The following NAA60 variants were observed in gnomAD, a reference collection of about 807,000 sequenced individuals.
The protein encoded by NAA60 is N-alpha-acetyltransferase 60, NatF catalytic subunit, also known as N-alpha-acetyltransferase 60.
NAA60 carries 8 observed loss-of-function variants against 26.1 expected under a neutral mutation model. The ratio of observed to expected loss-of-function variants is 0.31; its 90% CI spans 0.18 to 0.55. The LOEUF (loss-of-function observed/expected upper bound fraction) is 0.55. Among genes scored for constraint, NAA60 ranks in the 20% least tolerant of loss-of-function variants. The probability of loss-of-function intolerance (pLI) is 0.93; values close to 1 mark genes in which losing one functional copy is unlikely to be tolerated. For synonymous variants in NAA60, 131 were observed against 122.5 expected (o/e 1.07, Z -0.46); for missense variants, 290 against 311.3 (o/e 0.93, Z 0.51).
At chr16:3,451,171 CA>C (rs1310083844) in intron 2 of NAA60, among the ~76,000 whole-genome samples, 1 of 152,264 alleles carries the variant, frequency 6.6e-6, no homozygotes, top group African/African-American at 2.4e-5. Context: ...CCTTGGTCAC[CA>C]TTTGTACCCA....
rs907178289 is a variant in NAA60, at chr16:3,486,440, G to A, written c.*1180G>A. On this transcript the variant is annotated 3_prime_UTR_variant, in exon 8 of 8. Transcript: ENST00000407558. ...GAGGGAGGAACAACCCTGGGCAGAC[G>A]GGGCCTCAGGGACCTGTGTCCTTCC... 3 of 152,016 alleles carry A rather than the reference G, an allele frequency of 2.0e-5. No homozygotes were observed. Among genetic ancestry groups the A allele is most frequent in the African/African-American group, 7.3e-5 (3 of 41,310 alleles). 9.4% of individuals were successfully genotyped at this position (152,016 alleles called of 1,614,324 possible). A position where few individuals can be genotyped will look rare whatever the true frequency, so the allele number is the denominator to read the frequency against.
intron 2 of NAA60, among the ~76,000 whole-genome samples, chr16:3,471,478 TG>T (rs1370238942): frequency 6.6e-6 from 1 of 151,920 alleles, no homozygotes; most frequent in African/African-American, 2.4e-5. Context: ...ACTCCAGCCT[TG>T]GGGGGCAGAG....
chr16:3,458,139 T>C, intron 2 of NAA60: 2 of 985,074 alleles, frequency 2.0e-6, no homozygotes, highest in Non-Finnish European at 2.4e-6. Context: ...CAGGATGCGC[T>C]GAGCCCTACA....
Position 3,474,945 on chromosome 16 carries a change from T to G in NAA60, c.-6-1277T>G, listed in dbSNP as rs971433965. 3.9e-4 allele frequency among the ~76,000 whole-genome samples: 59 copies of G among 151,968 alleles called. 1 individual carries two copies. Among genetic ancestry groups the G allele is most frequent in the Non-Finnish European group, 5.3e-4 (36 of 68,022 alleles). Reference sequence around the variant, plus strand: ...ATCTTTTCCCATTTATTTATGGGTTTGTTTATTTATTTATTTTTAGAGACA... The same window carrying G: ...ATCTTTTCCCATTTATTTATGGGTTGGTTTATTTATTTATTTTTAGAGACA... On this transcript the variant is annotated intron_variant, in intron 2 of 7. Coordinates refer to ENST00000407558, the MANE Select transcript of NAA60 (RefSeq NM_001083601.3).
chr16:3,482,156 T>G (rs369372833), intron 4 of NAA60, among the ~76,000 whole-genome samples: 1 of 152,248 alleles, frequency 6.6e-6, no homozygotes, highest in Non-Finnish European at 1.5e-5. Context: ...TGCATTCCCA[T>G]GAGGCCCGCG....
At chr16:3,456,442 C>CT (rs577299558) in intron 2 of NAA60, among the ~76,000 whole-genome samples, 106 of 147,658 alleles carry the variant, frequency 7.2e-4, no homozygotes, top group African/African-American at 1.6e-3. Context: ...GAGCAATTTC[C>CT]TTTTTTTTTT....
chr16:3,480,666 C>T (rs2036772795), intron 4 of NAA60, among the ~76,000 whole-genome samples: 1 of 117,494 alleles, frequency 8.5e-6, no homozygotes, highest in Non-Finnish European at 1.9e-5. Context: ...ACCTATAACC[C>T]CGGCATTTTG....
chr16:3,485,494 G>A lies in NAA60; in HGVS notation c.*234G>A. 2.2e-6 allele frequency: 1 copy of A among 456,732 alleles called. No individual in the cohort carries two copies. Among genetic ancestry groups the A allele is most frequent in the Non-Finnish European group, 4.4e-6 (1 of 227,102 alleles). The allele number at this position is 456,732 out of a possible 1,614,324, so 28.3% of individuals were successfully genotyped here. A position where few individuals can be genotyped will look rare whatever the true frequency, so the allele number is the denominator to read the frequency against. Reference sequence around the variant, plus strand: ...TCTTCAGCTCCCCTCCCTGCTTCTGGAAACCTCTGCCTGCTGCCCTGGCCC... The same window carrying A: ...TCTTCAGCTCCCCTCCCTGCTTCTGAAAACCTCTGCCTGCTGCCCTGGCCC... On this transcript the variant is annotated 3_prime_UTR_variant, in exon 8 of 8. Transcript: ENST00000407558.
At chr16:3,474,467 C>G (rs2036347440) in intron 2 of NAA60, among the ~76,000 whole-genome samples, 1 of 152,242 alleles carries the variant, frequency 6.6e-6, no homozygotes, top group African/African-American at 2.4e-5. Flanking sequence ...TTAACTAAGG[C>G]TGAGCCAGCA....
intron 4 of NAA60, 85 bp from the exon 5 acceptor site, chr16:3,482,417 G>T (rs1048701984): frequency 9.0e-7 from 1 of 1,116,344 alleles, no homozygotes; most frequent in Non-Finnish European, 1.3e-6. Context: ...GTGGGAAGTC[G>T]GTGCGGAGCC....
chr16:3,454,631 AAAAG>A (rs1266809750), intron 2 of NAA60, among the ~76,000 whole-genome samples: 2 of 152,222 alleles, frequency 1.3e-5, no homozygotes, highest in Admixed American at 6.5e-5. Context: ...ACACAGCAAA[AAAAG>A]AGAGAGAGAA....
chr16:3,456,195 T>C (rs911607433), intron 2 of NAA60, among the ~76,000 whole-genome samples: 12 of 152,232 alleles, frequency 7.9e-5, no homozygotes, highest in African/African-American at 2.9e-4. Context: ...ACTGTGCTTG[T>C]TACTCACATG....
At chr16:3,447,393 C>G (rs751719604) in intron 1 of NAA60, 28 of 851,974 alleles carry the variant, frequency 3.3e-5, no homozygotes, top group Non-Finnish European at 3.9e-5. Context: ...GTAATCACTT[C>G]AAGGTAAATG....
At chr16:3,461,231 C>G (rs1347932515) in intron 2 of NAA60, among the ~76,000 whole-genome samples, 1 of 148,744 alleles carries the variant, frequency 6.7e-6, no homozygotes, top group Non-Finnish European at 1.5e-5. Context: ...AAGGCATTTG[C>G]GTAGTGCTTG....
At chr16:3,457,689 G>A (rs2035065850) in intron 2 of NAA60, among the ~76,000 whole-genome samples, 1 of 152,246 alleles carries the variant, frequency 6.6e-6, no homozygotes, top group South Asian at 2.1e-4. Flanking sequence ...GCGAGCTTAG[G>A]ATGCGCCTGC....
intron 2 of NAA60, among the ~76,000 whole-genome samples, chr16:3,454,353 G>A (rs1215481299): frequency 2.0e-5 from 3 of 152,206 alleles, no homozygotes; most frequent in African/African-American, 7.2e-5. Flanking sequence ...CCCATGGCCA[G>A]AGGGTGAAAG....
Position 3,485,040 on chromosome 16 carries a change from A to T in NAA60, c.*185A>T. The T allele has an allele frequency of 3.4e-6, 5 of 1,486,010 alleles. No homozygotes were observed. Among genetic ancestry groups the T allele is most frequent in the Non-Finnish European group, 4.5e-6 (5 of 1,104,358 alleles). The allele number at this position is 1,486,010 out of a possible 1,614,324, so 92.1% of individuals were successfully genotyped here. ...GGAACAGAACATCGTGGGCATGCGCAGAGCATGCCCATCCGTGGCAGGTAC... is the reference window on the plus strand; with the variant it reads ...GGAACAGAACATCGTGGGCATGCGCTGAGCATGCCCATCCGTGGCAGGTAC... On this transcript the variant is annotated 3_prime_UTR_variant, in exon 7 of 8. Transcript: ENST00000407558.
chr16:3,476,429 G>GACC (rs2151004539), intron 3 of NAA60, 92 bp downstream of exon 3: 1 of 1,062,090 alleles, frequency 9.4e-7, no homozygotes, highest in East Asian at 2.6e-5. Flanking sequence ...GGGCCCTTAG[G>GACC]ACCGTGCTGC....
intron 2 of NAA60, among the ~76,000 whole-genome samples, chr16:3,474,099 C>G (rs905251429): frequency 3.4e-5 from 5 of 145,844 alleles, no homozygotes; most frequent in Non-Finnish European, 7.6e-5. Context: ...GGGGTGGGCA[C>G]AAGGGCGGGG....
Sources: allele counts gnomAD v4.1 joint callset (sites outside exome capture counted in the v4.1 genomes callset), GRCh38; gene constraint gnomAD v4.1.1; transcripts MANE v1.5; gene names NCBI Gene and HGNC (gene_info 2026-07-23, HGNC 2026-07-21).